The following PPP2R2C variants were observed in gnomAD, a reference collection of about 807,000 sequenced individuals.
PPP2R2C encodes protein phosphatase 2 regulatory subunit Bgamma, also known as protein phosphatase 2, regulatory subunit B, gamma.
PPP2R2C carries 10 observed loss-of-function variants against 45.3 expected under a neutral mutation model. The observed-to-expected ratio is 0.22, with a 90% CI of 0.14 to 0.37. The LOEUF is 0.37. Among genes scored for constraint, PPP2R2C ranks in the 10% least tolerant of loss-of-function variants. The pLI, the probability that PPP2R2C is intolerant of heterozygous loss-of-function variation, is 1.00. For missense variants in PPP2R2C, 308 were observed against 619.7 expected, an observed-to-expected ratio of 0.50 and a Z score of 5.34; for synonymous variants, 257 against 245.4, an observed-to-expected ratio of 1.05 and a Z score of -0.44.
intron 1 of PPP2R2C, among the ~76,000 whole-genome samples, chr4:6,421,564 A>T (rs1577169849): frequency 6.6e-6 from 1 of 152,156 alleles, no homozygotes; most frequent in Non-Finnish European, 1.5e-5. Flanking sequence ...GGCGGCCGTG[A>T]AAACGAAGCC....
upstream of PPP2R2C, among the ~76,000 whole-genome samples, chr4:6,476,615 C>A (rs925149085): frequency 1.3e-5 from 2 of 152,158 alleles, no homozygotes; most frequent in African/African-American, 4.8e-5. Context: ...TGGTTTATGC[C>A]GTCCAGGCTA....
intron 1 of PPP2R2C, among the ~76,000 whole-genome samples, chr4:6,440,453 G>A (rs1283458037): frequency 1.3e-5 from 2 of 152,204 alleles, no homozygotes; most frequent in East Asian, 3.9e-4. Context: ...AGGTGTTGGG[G>A]GCTCTTAGCA....
intron 1 of PPP2R2C, among the ~76,000 whole-genome samples, chr4:6,455,410 C>T (rs1307306585): frequency 6.6e-6 from 1 of 152,150 alleles, no homozygotes; most frequent in Non-Finnish European, 1.5e-5. Flanking sequence ...TCTCTGTCCT[C>T]CACCTGCCAC....
chr4:6,437,935 T>C (rs1719972583), intron 1 of PPP2R2C, among the ~76,000 whole-genome samples: 3 of 152,172 alleles, frequency 2.0e-5, no homozygotes, highest in African/African-American at 7.2e-5. Context: ...AGAAATATAT[T>C]AGCTTGTTTT....
chr4:6,448,027 A>T (rs9968308), intron 1 of PPP2R2C, among the ~76,000 whole-genome samples: 23,797 of 152,086 alleles, frequency 0.16, 1,922 homozygotes, highest in Middle Eastern at 0.18. Context: ...GGCTCCTGGT[A>T]CACCCCCGTG....
At chr4:6,542,716 A>AAAAAGG (rs1724842801) in intron 1 of PPP2R2C, among the ~76,000 whole-genome samples, 1 of 72,542 alleles carries the variant, frequency 1.4e-5, no homozygotes, top group Non-Finnish European at 3.5e-5. Context: ...AAAAAAAAAG[A>AAAAAGG]AAAAGAAAAA....
intron 1 of PPP2R2C, chr4:6,381,380 C>T (rs750037733): frequency 2.7e-6 from 4 of 1,469,420 alleles, no homozygotes; most frequent in South Asian, 1.2e-5. Flanking sequence ...TAACTGGACA[C>T]TCTATGGGAC....
rs533269690 is a variant in PPP2R2C, at chr4:6,418,811, C to T, written c.71-37717G>A. ...GGGTGGTCAGAGAGGCTTCCAGAAA[C>T]GTTCCTCATTCTTCAAGCAAATCTC... On this transcript the variant is annotated intron_variant, in intron 1 of 8. Transcript: ENST00000382599. Among the ~76,000 whole-genome samples the T allele has an allele frequency of 1.7e-3, 266 of 152,326 alleles. 1 individual carries two copies. The highest frequency in any genetic ancestry group is 5.9e-3 in the African/African-American group (246 of 41,584).
intron 6 of PPP2R2C, among the ~76,000 whole-genome samples, chr4:6,340,584 G>A (rs953352269): frequency 1.6e-4 from 24 of 152,212 alleles, no homozygotes; most frequent in African/African-American, 5.3e-4. Flanking sequence ...ACCTGCCATG[G>A]GGGGCAGGGC....
chr4:6,351,137 T>C (rs1215374661), intron 5 of PPP2R2C: 1 of 651,618 alleles, frequency 1.5e-6, no homozygotes, highest in Non-Finnish European at 1.9e-6. Context: ...AAACCCCGTC[T>C]CTACTAAAAA....
chr4:6,485,523 T>C (rs938063654), intron 2 of PPP2R2C, among the ~76,000 whole-genome samples: 3 of 151,972 alleles, frequency 2.0e-5, no homozygotes, highest in Non-Finnish European at 1.5e-5. Context: ...GGAAAGGTTT[T>C]AAATTGTAAA....
intron 1 of PPP2R2C, among the ~76,000 whole-genome samples, chr4:6,452,562 C>T (rs1366678634): frequency 6.6e-6 from 1 of 152,234 alleles, no homozygotes; most frequent in Non-Finnish European, 1.5e-5. Flanking sequence ...GTGCGCCCTG[C>T]ACCACCTTAG....
chr4:6,370,344 T>G (rs1029467416), intron 5 of PPP2R2C, among the ~76,000 whole-genome samples: 2 of 152,212 alleles, frequency 1.3e-5, no homozygotes, highest in African/African-American at 4.8e-5. Flanking sequence ...GCAGGCTGAT[T>G]TGTAAACTGT....
At chr4:6,428,780 G>C (rs1200439579) in intron 1 of PPP2R2C, among the ~76,000 whole-genome samples, 1 of 152,256 alleles carries the variant, frequency 6.6e-6, no homozygotes, top group East Asian at 1.9e-4. Flanking sequence ...AAACTGGGCA[G>C]TATTTGGCTG....
chr4:6,480,814 C>T (rs369633481), intron 2 of PPP2R2C, among the ~76,000 whole-genome samples: 1 of 152,236 alleles, frequency 6.6e-6, no homozygotes, highest in Non-Finnish European at 1.5e-5. Context: ...GTATCACATT[C>T]TCAAGTGACA....
At chr4:6,533,330 C>G (rs1260554001) in intron 2 of PPP2R2C, among the ~76,000 whole-genome samples, 1 of 152,144 alleles carries the variant, frequency 6.6e-6, no homozygotes, top group Non-Finnish European at 1.5e-5. Context: ...GCAGAGCCTC[C>G]CAGCCTCCCT....
At chr4:6,444,497 A>G (rs1720315891) in intron 1 of PPP2R2C, among the ~76,000 whole-genome samples, 1 of 151,844 alleles carries the variant, frequency 6.6e-6, no homozygotes. Flanking sequence ...TTCCAAATAC[A>G]CTCTGCCACT....
chr4:6,483,632 T>G (rs1722436410), intron 2 of PPP2R2C, among the ~76,000 whole-genome samples: 1 of 152,134 alleles, frequency 6.6e-6, no homozygotes, highest in Non-Finnish European at 1.5e-5. Context: ...GTTGTTTGCC[T>G]TCTTACTATT....
chr4:6,378,264 A>G lies in PPP2R2C; in HGVS notation c.334+143T>C, dbSNP rs977002342. The stretch of plus-strand genomic sequence containing the variant: ...TCTGGCATACTCACTCATGGGATTT[A>G]TATGCTGCTCAAAAAGGATATTATT... On this transcript the variant is annotated intron_variant, in intron 3 of 8. Coordinates refer to ENST00000382599, the MANE Select transcript of PPP2R2C (RefSeq NM_020416.4). The surrounding 1 kb of genome is among the most constrained non-coding windows in gnomAD (Gnocchi z 5.2). 2.7e-6 allele frequency: 4 copies of G among 1,496,186 alleles called. No individual in the cohort carries two copies. The Admixed American group carries it at 5.9e-5, about 22-fold the overall frequency. The allele number at this position is 1,496,186 out of a possible 1,614,324, so 92.7% of individuals were successfully genotyped here.
Sources: gnomAD v4.1 joint callset for allele counts (sites outside exome capture counted in the v4.1 genomes callset) on GRCh38, gnomAD v4.1.1 for gene constraint, Gnocchi (gnomAD v3.1) non-coding constraint, MANE v1.5 for transcripts, NCBI Gene and HGNC (gene_info 2026-07-23, HGNC 2026-07-21) for gene names.